The following SYNE1 variants were observed in gnomAD, a reference collection of about 807,000 sequenced individuals.
The protein encoded by SYNE1 is nesprin-1.
A neutral mutation model predicts 1,111.0 loss-of-function variants in SYNE1; 616 were observed. That is an observed-to-expected ratio of 0.55 (90% confidence interval 0.52 to 0.59). The LOEUF (loss-of-function observed/expected upper bound fraction) is 0.59. SYNE1 is among the 20% of genes least tolerant of loss of function. SYNE1 has a pLI of 0.00. For missense variants in SYNE1, 10,006 were observed against 10,417.0 expected (o/e 0.96, Z 1.72); for synonymous variants, 3,855 against 3,825.8 (o/e 1.01, Z -0.28).
chr6:152,458,926 T>C lies in SYNE1; in HGVS notation c.2399A>G (p.Lys800Arg), dbSNP rs1455296990. The C allele has an allele frequency of 6.2e-7, 1 of 1,613,870 alleles. No individual in the cohort carries two copies. The highest frequency in any genetic ancestry group is 8.5e-7 in the Non-Finnish European group (1 of 1,179,928). ...SKLKEQLTKV[K>R]ECYSPLLYES... Reference sequence around the variant, plus strand: ...ATAAAGGAGTGGGGAGTAACATTCTTTGACCTTTAAAAACATAAAGACAAA... The same window carrying C: ...ATAAAGGAGTGGGGAGTAACATTCTCTGACCTTTAAAAACATAAAGACAAA... Residue 800 changes from lysine (K) to arginine (R), a missense_variant, in exon 22 of 146, where the codon AAA becomes AGA. Transcript: ENST00000367255.
chr6:152,284,245 C>A, intron 95 of SYNE1, 73 bp from the exon 96 acceptor site: 1 of 1,485,604 alleles, frequency 6.7e-7, no homozygotes, highest in South Asian at 1.2e-5. Context: ...CTAGCTGAGT[C>A]TCACATCCAT....
chr6:152,226,018 C>CCTGAGTAGA, intron 115 of SYNE1, 142 bp from the exon 116 acceptor site: 3 of 737,840 alleles, frequency 4.1e-6, no homozygotes, highest in Non-Finnish European at 6.5e-6. Flanking sequence ...AGGCACGCTG[C>CCTGAGTAGA]AGAAGTACTT....
In SYNE1 at chr6:152,436,068, G is replaced by A. The variant is rs2098471423; in HGVS notation, c.4183C>T (p.Gln1395Ter). ...FSKRTESIAV[Q>*]AENLVKEASE... Reference sequence around the variant, plus strand: ...GCTTCCTTTACAAGGTTCTCAGCCTGGACTGCAATACTTTCTGTCCGTTTA... The same window carrying A: ...GCTTCCTTTACAAGGTTCTCAGCCTAGACTGCAATACTTTCTGTCCGTTTA... Residue 1395 changes from glutamine to a stop codon, truncating the protein, a stop_gained, in exon 33 of 146, where the codon CAG (glutamine) becomes TAG (stop). Transcript: ENST00000367255. LOFTEE classifies it high-confidence loss of function. The A allele has an allele frequency of 1.2e-6, 2 of 1,613,830 alleles. No individual in the cohort carries two copies. Among genetic ancestry groups the A allele is most frequent in the African/African-American group, 2.7e-5 (2 of 74,870 alleles).
intron 78 of SYNE1, among the ~76,000 whole-genome samples, chr6:152,328,884 C>T (rs1001193031): frequency 6.6e-6 from 1 of 152,176 alleles, no homozygotes; most frequent in African/African-American, 2.4e-5. Flanking sequence ...AGAAGGACAG[C>T]ACTCATCCCC....
chr6:152,605,011 A>G (rs2099609162), intron 3 of SYNE1, among the ~76,000 whole-genome samples: 2 of 42,966 alleles, frequency 4.7e-5, no homozygotes, highest in African/African-American at 2.5e-4. Flanking sequence ...AAAGAAAGAG[A>G]GAGAGAGAGA....
At position 152,401,241 on chromosome 6, in the gene SYNE1, A is replaced by C. The variant is rs1384232957; in HGVS notation, c.6926T>G (p.Val2309Gly). The C allele has an allele frequency of 3.1e-6, 5 of 1,614,124 alleles. No individual in the cohort carries two copies. Among genetic ancestry groups the C allele is most frequent in the Non-Finnish European group, 4.2e-6 (5 of 1,180,002 alleles). The change falls in exon 47 of 146, where the codon GTG becomes GGG. Residue 2309 changes from valine (V) to glycine (G), a missense_variant. Coordinates refer to ENST00000367255, the MANE Select transcript of SYNE1 (RefSeq NM_182961.4). The part of the protein sequence containing the change: ...LKDFTAQSTQ[V>G]EKFINDITTW... ...TGTTATGTCATTAATAAACTTCTCC[A>C]CTTGTGTACTTTGAGCCGTGAAATC...
In SYNE1 at chr6:152,559,802, A is replaced by G. The variant is rs186562331; in HGVS notation, c.68-19781T>C. 2.3e-3 allele frequency among the ~76,000 whole-genome samples: 352 copies of G among 152,306 alleles called. 2 individuals are homozygous for G. The highest frequency in any genetic ancestry group is 3.2e-3 in the Non-Finnish European group (219 of 68,024). On this transcript the variant is annotated intron_variant, in intron 3 of 145. Coordinates refer to ENST00000367255, the MANE Select transcript of SYNE1 (RefSeq NM_182961.4). ...GATCAGGGCAGAAATAAATGGAATC[A>G]AGACTAGAAAACAAGAGAAAACAAT...
Position 152,221,482 on chromosome 6 carries a change from C to G in SYNE1, c.21600G>C (p.Glu7200Asp). The G allele has an allele frequency of 6.2e-7, 1 of 1,613,872 alleles. No individual in the cohort carries two copies. Among genetic ancestry groups the G allele is most frequent in the Non-Finnish European group, 8.5e-7 (1 of 1,179,922 alleles). ...FGSITNQLLK[E>D]CHPPVTETLT... Reference sequence around the variant, plus strand: ...GAGTTTCTGTCACGGGTGGGTGACACTCTTTTAATAATTGGTTGGTGATAG... The same window carrying G: ...GAGTTTCTGTCACGGGTGGGTGACAGTCTTTTAATAATTGGTTGGTGATAG... Residue 7200 changes from glutamate to aspartate, a missense_variant, in exon 118 of 146, where the codon GAG becomes GAC. Coordinates refer to ENST00000367255, the MANE Select transcript of SYNE1 (RefSeq NM_182961.4).
rs141696581 is a variant in SYNE1 at position 152,235,085 on chromosome 6, C to T, written c.20397-285G>A. ...ATATTAGATGATGGTTACAAAAAGT[C>T]CTTTGAAATAAAGGCGGCTTAGACA... On this transcript the variant is annotated intron_variant, in intron 110 of 145. Coordinates refer to ENST00000367255, the MANE Select transcript of SYNE1 (RefSeq NM_182961.4). Among the ~76,000 whole-genome samples, 6 of 152,228 alleles carry T rather than the reference C, an allele frequency of 3.9e-5. No homozygotes were observed. In the East Asian group the frequency reaches 9.7e-4, roughly 25 times the overall value.
chr6:152,310,018 C>A lies in SYNE1; in HGVS notation c.17020-1G>T. The stretch of plus-strand genomic sequence containing the variant: ...GTGACTCCATCTCAGACAACAAATG[C>A]TGAAAATGCAATTTCATAGTTCAAA... On this transcript the variant is annotated splice_acceptor_variant, in intron 89 of 145. Coordinates refer to ENST00000367255, the MANE Select transcript of SYNE1 (RefSeq NM_182961.4). LOFTEE classifies it high-confidence loss of function. 1 of 1,613,282 alleles carries A rather than the reference C, an allele frequency of 6.2e-7. No individual in the cohort carries two copies. Among genetic ancestry groups the A allele is most frequent in the South Asian group, 1.1e-5 (1 of 91,044 alleles).
intron 130 of SYNE1, among the ~76,000 whole-genome samples, chr6:152,171,560 C>T (rs2065210621): frequency 6.6e-6 from 1 of 152,134 alleles, no homozygotes; most frequent in Non-Finnish European, 1.5e-5. Context: ...TAAGAAGAAT[C>T]TGATCTAATC....
chr6:152,343,455 G>A (rs866636493), intron 74 of SYNE1, among the ~76,000 whole-genome samples: 6 of 150,544 alleles, frequency 4.0e-5, no homozygotes, highest in Non-Finnish European at 7.4e-5. Context: ...CACTATGCCC[G>A]GCCCCATTCT....
At chr6:152,599,524 C>T (rs1010689947) in intron 3 of SYNE1, among the ~76,000 whole-genome samples, 46 of 152,260 alleles carry the variant, frequency 3.0e-4, no homozygotes, top group African/African-American at 6.5e-4. Flanking sequence ...ACTCTGTCTA[C>T]AAGAGCCAGA....
rs1273331479 is a variant in SYNE1, at chr6:152,229,630, A to T, written c.21195+917T>A. 5.3e-5 allele frequency among the ~76,000 whole-genome samples: 8 copies of T among 152,232 alleles called. No homozygotes were observed. The East Asian group carries it at 1.2e-3, about 22-fold the overall frequency. Reference sequence around the variant, plus strand: ...GCCTCTAGTGCTAACTTCCATTTATAGGACATACAGAGGAGAGAAGAACAA... The same window carrying T: ...GCCTCTAGTGCTAACTTCCATTTATTGGACATACAGAGGAGAGAAGAACAA... On this transcript the variant is annotated intron_variant, in intron 115 of 145. Coordinates refer to ENST00000367255, the MANE Select transcript of SYNE1 (RefSeq NM_182961.4).
In SYNE1 at chr6:152,136,723, C is replaced by T; in HGVS notation, c.25554G>A (p.Arg8518=). The change falls in exon 141 of 146, where the codon CGG becomes CGA. Residue 8518 remains arginine, a synonymous_variant. Transcript: ENST00000367255. ...EFTQADSKES[R]DLQDRLSQMN... ...TCTGCGACAAGCGATCCTGCAGGTC[C>T]CGGCTCTCCTTGCTGTCAGCCTGGG... 6.2e-7 allele frequency: 1 copy of T among 1,614,214 alleles called. No homozygotes were observed. The highest frequency in any genetic ancestry group is 8.5e-7 in the Non-Finnish European group (1 of 1,180,048).
At chr6:152,568,981 T>C (rs756970919) in intron 3 of SYNE1, among the ~76,000 whole-genome samples, 12 of 152,224 alleles carry the variant, frequency 7.9e-5, no homozygotes, top group Non-Finnish European at 1.5e-4. Flanking sequence ...TAAGTTGCCA[T>C]TTTTGAAAGC....
chr6:152,188,329 C>G (rs1353519921), intron 128 of SYNE1, among the ~76,000 whole-genome samples: 1 of 152,208 alleles, frequency 6.6e-6, no homozygotes, highest in Non-Finnish European at 1.5e-5. Context: ...GCCTTTGAAT[C>G]TGTTTTTCCT....
chr6:152,602,405 C>T (rs981103753), intron 3 of SYNE1, among the ~76,000 whole-genome samples: 1 of 152,068 alleles, frequency 6.6e-6, no homozygotes, highest in African/African-American at 2.4e-5. Context: ...TCCTTCCCTC[C>T]CAACCCTCAG....
chr6:152,239,807 C>G, intron 107 of SYNE1, 101 bp from the exon 108 acceptor site: 1 of 1,302,070 alleles, frequency 7.7e-7, no homozygotes, highest in Non-Finnish European at 1.1e-6. Context: ...GCCTGTAATC[C>G]CAACAGTTGG....
Sources: allele counts gnomAD v4.1 joint callset (sites outside exome capture counted in the v4.1 genomes callset), GRCh38; gene constraint gnomAD v4.1.1; transcripts MANE v1.5; gene names NCBI Gene and HGNC (gene_info 2026-07-23, HGNC 2026-07-21).